The following ADAP1 variants were observed in gnomAD, a reference collection of about 807,000 sequenced individuals.
ADAP1 encodes the protein arf-GAP with dual PH domain-containing protein 1.
ADAP1 carries 31 observed loss-of-function variants against 54.9 expected under a neutral mutation model. The ratio of observed to expected loss-of-function variants is 0.56; its 90% CI spans 0.42 to 0.76. The LOEUF (loss-of-function observed/expected upper bound fraction) is 0.76. ADAP1 is among the 30% of genes least tolerant of loss of function. ADAP1 has a pLI of 0.00. For missense variants in ADAP1, 535 were observed against 512.4 expected (o/e 1.04, Z -0.42); for synonymous variants, 313 against 202.6 (o/e 1.55, Z -4.63).
chr7:927,440 T>A (rs1312898049), intron 2 of ADAP1: 6 of 479,194 alleles, frequency 1.3e-5, no homozygotes, highest in Admixed American at 1.2e-4. Flanking sequence ...CTGCTTGCTA[T>A]GCTGTAAGCC....
At chr7:954,990 A>G (rs1338440603), upstream of ADAP1, among the ~76,000 whole-genome samples, 1 of 152,108 alleles carries the variant, frequency 6.6e-6, no homozygotes, top group Admixed American at 6.5e-5. Context: ...CGAGCCCCCC[A>G]AGACCATGGG....
rs533074029 is a variant in ADAP1, at chr7:899,205, C to T, written c.924G>A (p.Val308=). The change falls in exon 10 of 11, where the codon GTG becomes GTA. Residue 308 remains valine (V), a synonymous_variant. Coordinates refer to ENST00000265846, the MANE Select transcript of ADAP1 (RefSeq NM_006869.4). ...GGGTGGACGGCGGGAACCCATGCAG[C>T]ACCGTGTAGCCACTCTCCTTGCTGC... ...FIGSKESGYT[V]LHGFPPSTQG... 5 of 1,612,662 alleles carry T rather than the reference C, an allele frequency of 3.1e-6. No individual in the cohort carries two copies. In the South Asian group the frequency reaches 5.5e-5, roughly 18 times the overall value.
Position 920,763 on chromosome 7 carries a change from T to C in ADAP1, c.306-713A>G. ...CTGCCCAGAGCCACCCACCACGGCC[T>C]CCCCATCCACCGTGACTCACTCGAG... On this transcript the variant is annotated intron_variant, in intron 3 of 10. Coordinates refer to ENST00000265846, the MANE Select transcript of ADAP1 (RefSeq NM_006869.4). The surrounding 1 kb of genome is among the most constrained non-coding windows in gnomAD (Gnocchi z 4.5). The C allele has an allele frequency of 1.3e-6, 2 of 1,541,480 alleles. No homozygotes were observed. Among genetic ancestry groups the C allele is most frequent in the Non-Finnish European group, 1.8e-6 (2 of 1,141,770 alleles).
At chr7:918,861 G>A (rs562217710) in intron 4 of ADAP1, among the ~76,000 whole-genome samples, 123 of 152,328 alleles carry the variant, frequency 8.1e-4, no homozygotes, top group Middle Eastern at 3.4e-3. Flanking sequence ...CCACCCGGCT[G>A]GGGGCTCCAA....
chr7:903,128 A>G (rs1039075174), intron 6 of ADAP1, among the ~76,000 whole-genome samples: 3 of 152,158 alleles, frequency 2.0e-5, no homozygotes, highest in African/African-American at 7.2e-5. Flanking sequence ...CTCCAGAGAC[A>G]ACAGTCTGCG....
chr7:899,410 C>T lies in ADAP1; in HGVS notation c.867+9G>A, dbSNP rs780119153. On this transcript the variant is annotated intron_variant, in intron 9 of 10. Transcript: ENST00000265846. ...GCCCTCCCGTGCTGGGGCCACAGCTCCTCCTTACCAGGGGGTCTTTGAAGT... is the reference window on the plus strand; with the variant it reads ...GCCCTCCCGTGCTGGGGCCACAGCTTCTCCTTACCAGGGGGTCTTTGAAGT... 4.3e-6 allele frequency: 7 copies of T among 1,612,776 alleles called. No homozygotes were observed. The highest frequency in any genetic ancestry group is 8.5e-7 in the Non-Finnish European group (1 of 1,179,814).
At chr7:917,317 C>G (rs1455065733) in intron 4 of ADAP1, among the ~76,000 whole-genome samples, 1 of 107,674 alleles carries the variant, frequency 9.3e-6, no homozygotes, top group Non-Finnish European at 2.0e-5. Context: ...GGGCGCAGTG[C>G]CAGCTCTACC....
chr7:899,307 C>T (rs757660131), intron 9 of ADAP1, 46 bp from the exon 10 acceptor site: 18 of 1,608,318 alleles, frequency 1.1e-5, no homozygotes, highest in East Asian at 1.1e-4. Flanking sequence ...TCCCTTCCAG[C>T]CCCGCTTCAC....
chr7:903,832 G>A (rs892171051), intron 6 of ADAP1: 21 of 337,122 alleles, frequency 6.2e-5, no homozygotes, highest in African/African-American at 3.7e-4. Context: ...CACTGACAGG[G>A]CCAAGCTGGG....
chr7:903,699 T>C (rs917781292), intron 6 of ADAP1, among the ~76,000 whole-genome samples: 5 of 151,622 alleles, frequency 3.3e-5, no homozygotes, highest in African/African-American at 4.8e-5. Context: ...AAAGGAACCC[T>C]ACCCAAACCA....
intron 4 of ADAP1, among the ~76,000 whole-genome samples, chr7:909,878 A>C (rs559311248): frequency 6.6e-6 from 1 of 152,034 alleles, no homozygotes; most frequent in East Asian, 1.9e-4. Context: ...TCTACTGCAC[A>C]CCAGGCCCTA....
intron 4 of ADAP1, 67 bp downstream of exon 4, chr7:919,901 T>TGGGGGAGGGAGGGAAAGAGAA: frequency 1.4e-6 from 1 of 700,230 alleles, no homozygotes; most frequent in Admixed American, 4.2e-5. Context: ...GGGAAAGAGA[T>TGGGGGAGGGAGGGAAAGAGAA]GGGGGAGGGA....
intron 1 of ADAP1, among the ~76,000 whole-genome samples, chr7:947,499 C>A (rs1379562415): frequency 1.3e-5 from 2 of 152,100 alleles, no homozygotes; most frequent in Non-Finnish European, 2.9e-5. Context: ...CCTCACATCG[C>A]AGGTCCCTCC....
intron 5 of ADAP1, among the ~76,000 whole-genome samples, chr7:904,667 G>T (rs1181212061): frequency 6.6e-6 from 1 of 152,224 alleles, no homozygotes; most frequent in Non-Finnish European, 1.5e-5. Context: ...GCCACCTTGT[G>T]AAGACCCCAC....
At chr7:900,416 G>A (rs940071426) in intron 7 of ADAP1, 117 bp downstream of exon 7, 8 of 1,201,392 alleles carry the variant, frequency 6.7e-6, no homozygotes, top group Non-Finnish European at 7.1e-6. Context: ...CCCTTGGCCA[G>A]TCCCAGGCCC....
chr7:945,111 A>G lies in ADAP1; in HGVS notation c.82+9285T>C, dbSNP rs1415846819. Among the ~76,000 whole-genome samples, 1 of 152,088 alleles carries G rather than the reference A, an allele frequency of 6.6e-6. No homozygotes were observed. Among genetic ancestry groups the G allele is most frequent in the Non-Finnish European group, 1.5e-5 (1 of 68,000 alleles). On this transcript the variant is annotated intron_variant, in intron 1 of 10. Transcript: ENST00000265846. This position sits in a 1 kb window ranked among gnomAD's most constrained non-coding sequence, Gnocchi z 4.2. The stretch of plus-strand genomic sequence containing the variant: ...AGCTAGAGTCCCCCAGCTTCCAGTA[A>G]GGAAAAAGCCTGGCTGGTCCCCAAG...
intron 2 of ADAP1, among the ~76,000 whole-genome samples, chr7:930,082 T>C (rs1224209673): frequency 1.8e-5 from 2 of 109,970 alleles, no homozygotes. Context: ...CCAGCCTGGG[T>C]GACAGAGCAA....
intron 2 of ADAP1, among the ~76,000 whole-genome samples, chr7:930,428 A>G: frequency 8.4e-5 from 1 of 11,884 alleles, no homozygotes; most frequent in Non-Finnish European, 1.3e-4. Context: ...CTGTAATCCC[A>G]GCACTTTGGG....
intron 2 of ADAP1, 98 bp downstream of exon 2, chr7:935,277 G>C: frequency 1.4e-6 from 2 of 1,478,374 alleles, no homozygotes; most frequent in Admixed American, 4.1e-5. Flanking sequence ...CAAGGCTCCA[G>C]GGGCCACAGC....
Sources: allele counts gnomAD v4.1 joint callset (sites outside exome capture counted in the v4.1 genomes callset), GRCh38; gene constraint gnomAD v4.1.1; non-coding constraint Gnocchi (gnomAD v3.1); transcripts MANE v1.5; gene names NCBI Gene and HGNC (gene_info 2026-07-23, HGNC 2026-07-21).